The following DCC variants were observed in gnomAD, a reference collection of about 807,000 sequenced individuals.
DCC encodes netrin receptor DCC.
DCC carries 58 observed loss-of-function variants against 172.5 expected under a neutral mutation model. The observed-to-expected ratio is 0.34, with a 90% CI of 0.27 to 0.42. The LOEUF is 0.42. Ranked by LOEUF, DCC falls within the 10% of genes least tolerant of loss-of-function variation. The probability of loss-of-function intolerance (pLI) is 1.00; values close to 1 mark genes in which losing one functional copy is unlikely to be tolerated. For missense variants in DCC, 1,740 were observed against 1,791.0 expected, an observed-to-expected ratio of 0.97 and a Z score of 0.51; for synonymous variants, 709 against 644.5, an observed-to-expected ratio of 1.10 and a Z score of -1.52.
intron 9 of DCC, among the ~76,000 whole-genome samples, chr18:53,189,586 C>G (rs192487923): frequency 4.5e-4 from 68 of 152,268 alleles, no homozygotes; most frequent in African/African-American, 1.6e-3. Flanking sequence ...GTCACTGCCT[C>G]TCAAGCAAAG....
At chr18:53,478,911 G>T (rs578000903) in intron 25 of DCC, among the ~76,000 whole-genome samples, 1 of 152,336 alleles carries the variant, frequency 6.6e-6, no homozygotes, top group South Asian at 2.1e-4. Flanking sequence ...GGACTCGTCT[G>T]TGAGACGATC....
At chr18:53,354,480 T>C (rs78179695) in intron 15 of DCC, among the ~76,000 whole-genome samples, 48,756 of 152,042 alleles carry the variant, frequency 0.32, 9,474 homozygotes, top group East Asian at 0.58. Context: ...TGGTATCTCA[T>C]TGTGGTTTTG....
chr18:53,216,308 A>C (rs2144580573), intron 12 of DCC, among the ~76,000 whole-genome samples: 1 of 152,296 alleles, frequency 6.6e-6, no homozygotes, highest in Middle Eastern at 3.4e-3. Flanking sequence ...CCCTGTCACC[A>C]CCTGGCCACT....
chr18:52,890,566 A>T (rs190725645), intron 2 of DCC, among the ~76,000 whole-genome samples: 1 of 152,282 alleles, frequency 6.6e-6, no homozygotes, highest in African/African-American at 2.4e-5. Context: ...TTGTAAATTT[A>T]CTAGTGAGAG....
At chr18:53,250,796 A>G (rs557897363) in intron 12 of DCC, among the ~76,000 whole-genome samples, 1 of 151,968 alleles carries the variant, frequency 6.6e-6, no homozygotes, top group African/African-American at 2.4e-5. Flanking sequence ...CTTCATAGCA[A>G]TATTTTTGAA....
chr18:52,819,609 TTAA>T (rs1183088190), intron 2 of DCC, among the ~76,000 whole-genome samples: 8 of 152,218 alleles, frequency 5.3e-5, no homozygotes, highest in African/African-American at 1.9e-4. Context: ...GACCTGTTTA[TTAA>T]TCTCTTATAA....
intron 5 of DCC, among the ~76,000 whole-genome samples, chr18:52,943,815 T>A (rs2040500161): frequency 6.6e-6 from 1 of 152,178 alleles, no homozygotes; most frequent in Non-Finnish European, 1.5e-5. Flanking sequence ...AGTGGTGTGA[T>A]CTTGGCTCAC....
At chr18:53,436,462 T>G (rs1911946211) in intron 22 of DCC, among the ~76,000 whole-genome samples, 1 of 152,214 alleles carries the variant, frequency 6.6e-6, no homozygotes, top group African/African-American at 2.4e-5. Flanking sequence ...AAAAATAGTT[T>G]GCTGCATGTG....
intron 1 of DCC, among the ~76,000 whole-genome samples, chr18:52,679,335 G>A (rs2035701267): frequency 6.6e-6 from 1 of 151,990 alleles, no homozygotes; most frequent in Non-Finnish European, 1.5e-5. Context: ...ATCACATACA[G>A]ATCAGCTTTA....
At chr18:52,966,983 TG>T (rs1205870908) in intron 5 of DCC, among the ~76,000 whole-genome samples, 1 of 152,202 alleles carries the variant, frequency 6.6e-6, no homozygotes, top group Non-Finnish European at 1.5e-5. Flanking sequence ...CTCTGTTTTC[TG>T]CCTATTCTAC....
intron 1 of DCC, among the ~76,000 whole-genome samples, chr18:52,394,029 C>T (rs1442254164): frequency 1.3e-5 from 2 of 152,032 alleles, no homozygotes; most frequent in African/African-American, 4.8e-5. Flanking sequence ...GGTAAATTCA[C>T]GATAGGCTGG....
chr18:52,965,313 C>A (rs2040911907), intron 5 of DCC, among the ~76,000 whole-genome samples: 1 of 151,644 alleles, frequency 6.6e-6, no homozygotes, highest in African/African-American at 2.4e-5. Flanking sequence ...GCTAGATTGA[C>A]AAAACAGGCT....
intron 1 of DCC, among the ~76,000 whole-genome samples, chr18:52,563,211 A>G (rs1211812766): frequency 6.6e-6 from 1 of 152,032 alleles, no homozygotes; most frequent in East Asian, 1.9e-4. Flanking sequence ...TCAAAGCTAC[A>G]TGTAAATATT....
chr18:52,977,458 C>T (rs1411468472), intron 5 of DCC, among the ~76,000 whole-genome samples: 1 of 152,126 alleles, frequency 6.6e-6, no homozygotes, highest in African/African-American at 2.4e-5. Context: ...CACCAAGATT[C>T]TTCATTGATC....
intron 7 of DCC, among the ~76,000 whole-genome samples, chr18:53,080,430 C>G (rs146770129): frequency 7.4e-4 from 113 of 152,150 alleles, no homozygotes; most frequent in African/African-American, 2.5e-3. Flanking sequence ...CATTAGGAAG[C>G]CTAAAAGGCA....
chr18:52,500,666 A>G (rs1303723662), intron 1 of DCC, among the ~76,000 whole-genome samples: 2 of 152,196 alleles, frequency 1.3e-5, no homozygotes, highest in East Asian at 1.9e-4. Context: ...AACTTGTATC[A>G]TTTGAAATTA....
At chr18:52,879,457 T>A (rs2039452019) in intron 2 of DCC, among the ~76,000 whole-genome samples, 1 of 132,484 alleles carries the variant, frequency 7.5e-6, no homozygotes, top group Non-Finnish European at 1.6e-5. Flanking sequence ...GGAGTTTCAC[T>A]CTGCCGCCCA....
chr18:52,838,069 C>T (rs1297951675), intron 2 of DCC, among the ~76,000 whole-genome samples: 1 of 152,172 alleles, frequency 6.6e-6, no homozygotes, highest in Non-Finnish European at 1.5e-5. Flanking sequence ...CAATTATCTC[C>T]ACCTGGCTCC....
At chr18:52,427,715 G>A (rs760204399) in intron 1 of DCC, among the ~76,000 whole-genome samples, 10 of 152,012 alleles carry the variant, frequency 6.6e-5, no homozygotes, top group Non-Finnish European at 1.2e-4. Flanking sequence ...ATCAGGGTGT[G>A]CAGGGTCCAA....
Sources: allele counts gnomAD v4.1 joint callset (sites outside exome capture counted in the v4.1 genomes callset), GRCh38; gene constraint gnomAD v4.1.1; transcripts MANE v1.5; gene names NCBI Gene and HGNC (gene_info 2026-07-23, HGNC 2026-07-21).